The following FARSB variants were observed in gnomAD, a reference collection of about 807,000 sequenced individuals.
FARSB encodes the protein phenylalanyl-tRNA synthetase subunit beta, also known as phenylalanine--tRNA ligase beta subunit.
FARSB carries 40 observed loss-of-function variants against 69.6 expected under a neutral mutation model. The ratio of observed to expected loss-of-function variants is 0.57; its 90% CI spans 0.45 to 0.75. The LOEUF is 0.75. FARSB is among the 30% of genes least tolerant of loss of function. The pLI, the probability that FARSB is intolerant of heterozygous loss-of-function variation, is 0.00. For synonymous variants in FARSB, 235 were observed against 247.2 expected, an observed-to-expected ratio of 0.95 and a Z score of 0.46; for missense variants, 632 against 722.9, an observed-to-expected ratio of 0.87 and a Z score of 1.44.
At chr2:222,588,631 C>T (rs1291880901) in intron 16 of FARSB, among the ~76,000 whole-genome samples, 1 of 152,194 alleles carries the variant, frequency 6.6e-6, no homozygotes, top group African/African-American at 2.4e-5. Flanking sequence ...AGCCCAAAAC[C>T]TCCTTAAGCT....
intron 7 of FARSB, among the ~76,000 whole-genome samples, chr2:222,632,291 T>C (rs1216730033): frequency 2.0e-5 from 3 of 152,230 alleles, no homozygotes. Context: ...GCACTTAACA[T>C]AGGTTGTCTC....
intron 16 of FARSB, among the ~76,000 whole-genome samples, chr2:222,578,124 T>A (rs181306660): frequency 6.6e-6 from 1 of 152,362 alleles, no homozygotes; most frequent in East Asian, 1.9e-4. Flanking sequence ...ATCCTATATT[T>A]GTCTGACACC....
chr2:222,638,045 G>GA (rs1303810645), intron 5 of FARSB, among the ~76,000 whole-genome samples: 1 of 150,946 alleles, frequency 6.6e-6, no homozygotes, highest in Non-Finnish European at 1.5e-5. Flanking sequence ...CTGATCAAAG[G>GA]AAAAAAAAGA....
chr2:222,609,091 C>G (rs951034575), intron 15 of FARSB, among the ~76,000 whole-genome samples: 1 of 152,180 alleles, frequency 6.6e-6, no homozygotes, highest in Non-Finnish European at 1.5e-5. Context: ...CTTAAACTCA[C>G]TCAACCCAGT....
At chr2:222,605,580 A>G (rs894242045) in intron 15 of FARSB, among the ~76,000 whole-genome samples, 14 of 152,230 alleles carry the variant, frequency 9.2e-5, no homozygotes, top group Admixed American at 2.6e-4. Context: ...TAAAAAACAA[A>G]TTAAGTAAAC....
intron 14 of FARSB, among the ~76,000 whole-genome samples, chr2:222,615,162 A>G (rs1375497640): frequency 1.3e-5 from 2 of 152,190 alleles, no homozygotes; most frequent in African/African-American, 4.8e-5. Context: ...TATACGGAAT[A>G]TATTAGCTTC....
chr2:222,617,814 C>T (rs891263391), intron 14 of FARSB, among the ~76,000 whole-genome samples: 2 of 152,148 alleles, frequency 1.3e-5, no homozygotes, highest in Admixed American at 6.5e-5. Context: ...ACCCAAGAGG[C>T]GGAGGTTGCA....
At chr2:222,598,020 C>A (rs372766582) in intron 16 of FARSB, among the ~76,000 whole-genome samples, 1 of 152,232 alleles carries the variant, frequency 6.6e-6, no homozygotes. Context: ...TGCTGTGTTT[C>A]CAAACATACA....
At chr2:222,617,956 G>A (rs1343881996) in intron 14 of FARSB, among the ~76,000 whole-genome samples, 1 of 151,976 alleles carries the variant, frequency 6.6e-6, no homozygotes. Context: ...GGGAGAAAAA[G>A]GTACATTTCG....
chr2:222,649,234 T>TA lies in FARSB; in HGVS notation c.59-440dup, dbSNP rs71961708. ...AGAGCGAGACTCCGTCTCAAAAAAT[T>TA]AAAAAAAAAAAAAAAAAAAAAAAAA... is the stretch of plus-strand genomic sequence containing the variant. On this transcript the variant is annotated intron_variant, in intron 1 of 16. Coordinates refer to ENST00000281828, the MANE Select transcript of FARSB (RefSeq NM_005687.5). Among the ~76,000 whole-genome samples the TA allele has an allele frequency of 4.9e-3, 432 of 88,326 alleles. 1 individual carries two copies. The highest frequency in any genetic ancestry group is 0.013 in the African/African-American group (294 of 22,706). 57.9% of individuals were successfully genotyped at this position (88,326 alleles called of 152,430 possible). A position where few individuals can be genotyped will look rare whatever the true frequency, so the allele number is the denominator to read the frequency against.
At chr2:222,652,808 A>T (rs1457473531) in intron 1 of FARSB, among the ~76,000 whole-genome samples, 2 of 152,206 alleles carry the variant, frequency 1.3e-5, no homozygotes, top group African/African-American at 4.8e-5. Flanking sequence ...ACTATATAAC[A>T]AATGATAGCT....
At chr2:222,634,895 C>A (rs1691539754) in intron 5 of FARSB, among the ~76,000 whole-genome samples, 1 of 152,154 alleles carries the variant, frequency 6.6e-6, no homozygotes, top group Non-Finnish European at 1.5e-5. Context: ...CCTATTTCTT[C>A]TTGATATACT....
chr2:222,605,798 G>A (rs1436438421), intron 15 of FARSB, among the ~76,000 whole-genome samples: 1 of 152,082 alleles, frequency 6.6e-6, no homozygotes, highest in Non-Finnish European at 1.5e-5. Flanking sequence ...AGGCACACTG[G>A]TGGTGTCATA....
At chr2:222,621,234 A>G (rs1033144081) in intron 13 of FARSB, among the ~76,000 whole-genome samples, 3 of 152,222 alleles carry the variant, frequency 2.0e-5, no homozygotes, top group African/African-American at 4.8e-5. Context: ...AGGGATAGTG[A>G]CAAGAGGCAA....
chr2:222,619,595 G>A (rs759380147), intron 14 of FARSB, 50 bp downstream of exon 14: 1 of 881,100 alleles, frequency 1.1e-6, no homozygotes, highest in Non-Finnish European at 1.9e-6. Context: ...CCTAACTCAT[G>A]TACTACCTCT....
At chr2:222,576,492 C>T (rs1689843420) in intron 16 of FARSB, among the ~76,000 whole-genome samples, 1 of 152,022 alleles carries the variant, frequency 6.6e-6, no homozygotes, top group Non-Finnish European at 1.5e-5. Flanking sequence ...TCTCCAACTT[C>T]AGGGATGAAC....
chr2:222,648,053 C>T (rs1430207703), intron 2 of FARSB, among the ~76,000 whole-genome samples: 2 of 152,086 alleles, frequency 1.3e-5, no homozygotes, highest in African/African-American at 2.4e-5. Flanking sequence ...TCAGAAACCC[C>T]GGCCAGAGGA....
chr2:222,630,292 C>T (rs1691386329), intron 8 of FARSB, 118 bp from the exon 9 acceptor site: 2 of 548,266 alleles, frequency 3.6e-6, no homozygotes, highest in Admixed American at 3.9e-5. Context: ...TTTACGTATA[C>T]ATTTTAAGAA....
rs1232308519 is a variant in FARSB, at chr2:222,609,204, T to G, written c.1462+4607A>C. Among the ~76,000 whole-genome samples, 5 of 152,208 alleles carry G rather than the reference T, an allele frequency of 3.3e-5. No individual in the cohort carries two copies. The East Asian group carries it at 9.6e-4, about 29-fold the overall frequency. On this transcript the variant is annotated intron_variant, in intron 15 of 16. Transcript: ENST00000281828. ...TGCAATCACAGAAGTCAATCTGTGT[T>G]TAAGAAAAAGCCTGAATATTGGATT...
Sources: gnomAD v4.1 joint callset for allele counts (sites outside exome capture counted in the v4.1 genomes callset) on GRCh38, gnomAD v4.1.1 for gene constraint, MANE v1.5 for transcripts, NCBI Gene and HGNC (gene_info 2026-07-23, HGNC 2026-07-21) for gene names.